BRAF: variants seen among roughly 807,000 people sequenced by gnomAD.
The protein encoded by BRAF is serine/threonine-protein kinase B-raf.
A neutral mutation model predicts 104.6 loss-of-function variants in BRAF; 16 were observed. The ratio of observed to expected loss-of-function variants is 0.15; its 90% CI spans 0.10 to 0.23. The LOEUF (loss-of-function observed/expected upper bound fraction) is 0.23, where lower values mean the gene tolerates loss of function less well. Ranked by LOEUF, BRAF falls within the 10% of genes least tolerant of loss-of-function variation. The probability of loss-of-function intolerance (pLI) is 1.00; values close to 1 mark genes in which losing one functional copy is unlikely to be tolerated. For synonymous variants in BRAF, 310 were observed against 341.6 expected (o/e 0.91, Z 1.02); for missense variants, 541 against 937.3 (o/e 0.58, Z 5.52).
At chr7:140,834,379 G>T in intron 3 of BRAF, 1 of 642,652 alleles carries the variant, frequency 1.6e-6, no homozygotes, top group Non-Finnish European at 2.6e-6. Flanking sequence ...GTTCAAGTTT[G>T]GCAGACAGGT....
intron 11 of BRAF, among the ~76,000 whole-genome samples, chr7:140,781,991 T>C (rs1330920171): frequency 6.6e-6 from 1 of 152,200 alleles, no homozygotes; most frequent in East Asian, 1.9e-4. Flanking sequence ...ACATGTGCCA[T>C]GTTGGTGTGC....
At chr7:140,920,380 T>C (rs2129148118) in intron 1 of BRAF, among the ~76,000 whole-genome samples, 1 of 152,270 alleles carries the variant, frequency 6.6e-6, no homozygotes, top group East Asian at 1.9e-4. Flanking sequence ...GGGCATCAGG[T>C]CTTAGAAAAT....
chr7:140,841,357 A>C (rs1807946161), intron 2 of BRAF, among the ~76,000 whole-genome samples: 1 of 152,240 alleles, frequency 6.6e-6, no homozygotes, highest in African/African-American at 2.4e-5. Context: ...TGTAAAACAG[A>C]GTTACCACAA....
intron 3 of BRAF, among the ~76,000 whole-genome samples, chr7:140,809,624 C>T (rs1016619854): frequency 2.0e-5 from 3 of 152,200 alleles, no homozygotes; most frequent in Non-Finnish European, 2.9e-5. Context: ...GCAAGAGCAA[C>T]TGGTCCAGGG....
chr7:140,912,878 C>G (rs1406538378), intron 1 of BRAF, among the ~76,000 whole-genome samples: 3 of 152,166 alleles, frequency 2.0e-5, no homozygotes, highest in Admixed American at 2.0e-4. Flanking sequence ...CAAAATCTGA[C>G]TACTTCTCAG....
intron 1 of BRAF, among the ~76,000 whole-genome samples, chr7:140,895,092 C>G (rs1814728080): frequency 6.6e-6 from 1 of 152,046 alleles, no homozygotes; most frequent in African/African-American, 2.4e-5. Flanking sequence ...CTGAATTAGG[C>G]AAACCTAATT....
At chr7:140,787,216 G>T (rs1463956450) in intron 9 of BRAF, among the ~76,000 whole-genome samples, 1 of 150,844 alleles carries the variant, frequency 6.6e-6, no homozygotes, top group Non-Finnish European at 1.5e-5. Flanking sequence ...CAGGAGAATG[G>T]CGTGAACCCG....
chr7:140,727,683 C>T (rs1045287067), intron 19 of BRAF, among the ~76,000 whole-genome samples: 3 of 151,730 alleles, frequency 2.0e-5, no homozygotes, highest in Admixed American at 6.6e-5. Flanking sequence ...TGCAGTGGTG[C>T]GATCTCGGCT....
rs1795528528 is a variant in BRAF, at chr7:140,725,123, A to C, written c.*1371T>G. ...CCTTTTGAAGACCAGGCTTGGGAAA[A>C]AAGGAAGAAGGAGAATGAATGGAGA... is the stretch of plus-strand genomic sequence containing the variant. On this transcript the variant is annotated 3_prime_UTR_variant, in exon 20 of 20. Transcript: ENST00000644969. 9.6e-7 allele frequency: 1 copy of C among 1,042,090 alleles called. No homozygotes were observed. Among genetic ancestry groups the C allele is most frequent in the South Asian group, 4.6e-5 (1 of 21,770 alleles). 64.6% of individuals were successfully genotyped at this position (1,042,090 alleles called of 1,614,324 possible).
At chr7:140,877,298 G>GC (rs1487930634) in intron 1 of BRAF, among the ~76,000 whole-genome samples, 24 of 112,062 alleles carry the variant, frequency 2.1e-4, no homozygotes, top group Non-Finnish European at 4.0e-4. Context: ...AGAGATGGGG[G>GC]GGGGGGTGGG....
chr7:140,763,391 C>T (rs1357123605), intron 14 of BRAF, among the ~76,000 whole-genome samples: 3 of 150,290 alleles, frequency 2.0e-5, no homozygotes, highest in Non-Finnish European at 4.4e-5. Context: ...AGGGGCTCCT[C>T]ACTTCCCAGT....
At chr7:140,855,744 G>A (rs749515131) in intron 1 of BRAF, among the ~76,000 whole-genome samples, 4 of 151,854 alleles carry the variant, frequency 2.6e-5, no homozygotes, top group Non-Finnish European at 4.4e-5. Context: ...AATAGGCCAC[G>A]TACAATGGCT....
chr7:140,788,373 T>A (rs772375402), intron 8 of BRAF, among the ~76,000 whole-genome samples: 35 of 152,272 alleles, frequency 2.3e-4, no homozygotes, highest in East Asian at 9.6e-4. Context: ...TTATAGGCAT[T>A]TTGACATATT....
downstream of BRAF, among the ~76,000 whole-genome samples, chr7:140,714,911 G>A (rs1330425106): frequency 6.6e-6 from 1 of 152,158 alleles, no homozygotes; most frequent in East Asian, 1.9e-4. Flanking sequence ...GGAGCCAGTT[G>A]TGCGAGGGTG....
chr7:140,841,834 T>G (rs1217035377), intron 2 of BRAF, among the ~76,000 whole-genome samples: 1 of 152,158 alleles, frequency 6.6e-6, no homozygotes, highest in Non-Finnish European at 1.5e-5. Flanking sequence ...TTACACAGTT[T>G]TAAAAAGTTA....
In BRAF at chr7:140,721,506, T is replaced by G; in HGVS notation, c.*4988A>C. On this transcript the variant is annotated 3_prime_UTR_variant, in exon 20 of 20. Coordinates refer to ENST00000644969, the MANE Select transcript of BRAF (RefSeq NM_001374258.1). ...CAACAAAACAGAGCTTACTGTCTAG[T>G]GTACTAATAAAACAAACATCTTACC... 7.2e-7 allele frequency: 1 copy of G among 1,385,962 alleles called. No homozygotes were observed. Among genetic ancestry groups the G allele is most frequent in the South Asian group, 1.8e-5 (1 of 56,584 alleles). The allele number at this position is 1,385,962 out of a possible 1,614,324, so 85.9% of individuals were successfully genotyped here. A position where few individuals can be genotyped will look rare whatever the true frequency, so the allele number is the denominator to read the frequency against.
intron 3 of BRAF, among the ~76,000 whole-genome samples, chr7:140,812,591 T>C (rs539105569): frequency 6.6e-6 from 1 of 152,354 alleles, no homozygotes; most frequent in African/African-American, 2.4e-5. Context: ...TTTTCTGCTC[T>C]ATTACCAAGG....
At chr7:140,740,996 A>T (rs1796871253) in intron 17 of BRAF, 6 of 152,204 alleles carry the variant, frequency 3.9e-5, no homozygotes, top group African/African-American at 1.4e-4. Context: ...GAATTTTGGG[A>T]GCAACCTGGA....
In BRAF at chr7:140,721,730, C is replaced by CA. The variant is rs1483277109; in HGVS notation, c.*4763_*4764insT. 6 of 1,516,088 alleles carry CA rather than the reference C, an allele frequency of 4.0e-6. No individual in the cohort carries two copies. The highest frequency in any genetic ancestry group is 5.3e-6 in the Non-Finnish European group (6 of 1,138,622). 93.9% of individuals were successfully genotyped at this position (1,516,088 alleles called of 1,614,324 possible). ...GTGCTGGAGACAATACATGGACTTT[C>CA]TCTTTCAATGGTGAGGAATGAAACA... On this transcript the variant is annotated 3_prime_UTR_variant, in exon 20 of 20. Coordinates refer to ENST00000644969, the MANE Select transcript of BRAF (RefSeq NM_001374258.1).
Sources: allele counts gnomAD v4.1 joint callset (sites outside exome capture counted in the v4.1 genomes callset), GRCh38; gene constraint gnomAD v4.1.1; transcripts MANE v1.5; gene names NCBI Gene and HGNC (gene_info 2026-07-23, HGNC 2026-07-21).